RBFOX1: variants seen among roughly 807,000 people sequenced by gnomAD.
RBFOX1 encodes the protein RNA binding fox-1 homolog 1.
Under a neutral mutation model 57.7 loss-of-function variants are expected in RBFOX1, and 8 were observed. That is an observed-to-expected ratio of 0.14 (90% CI 0.08 to 0.25). The LOEUF (loss-of-function observed/expected upper bound fraction) is 0.25. RBFOX1 is among the 10% of genes least tolerant of loss of function. RBFOX1 has a pLI of 1.00. For missense variants in RBFOX1, 611 were observed against 548.5 expected (o/e 1.11, Z -1.14); for synonymous variants, 326 against 222.4 (o/e 1.47, Z -4.15).
chr16:6,232,426 C>A (rs1374491625), intron 1 of RBFOX1, among the ~76,000 whole-genome samples: 5 of 152,162 alleles, frequency 3.3e-5, no homozygotes, highest in Non-Finnish European at 5.9e-5. Context: ...TAGAATGTTT[C>A]AGCATTTTTT....
rs2094440523 is a variant in RBFOX1, at chr16:6,444,144, C to A, written c.-64+127087C>A. 3.9e-5 allele frequency among the ~76,000 whole-genome samples: 6 copies of A among 152,072 alleles called. 1 individual carries two copies. The highest frequency in any genetic ancestry group is 1.2e-4 in the African/African-American group (5 of 41,398). On this transcript the variant is annotated intron_variant, in intron 2 of 15. Transcript: ENST00000550418. ...TCATCGATTGCTGTCCTGTTGTGAA[C>A]CACGGTTGAAGTCAGGTGTGTTTCT...
Position 6,676,169 on chromosome 16 carries a change from CACACACACA to C in RBFOX1, c.-16+21520_-16+21528del, listed in dbSNP as rs2057647563. Among the ~76,000 whole-genome samples, 4 of 151,858 alleles carry C rather than the reference CACACACACA, an allele frequency of 2.6e-5. No homozygotes were observed. The South Asian group carries it at 8.4e-4, about 32-fold the overall frequency. ...ACACACACACACACACACACACACA[CACACACACA>C]CACTTCCCTAGGTCAACTAGGATCA... On this transcript the variant is annotated intron_variant, in intron 3 of 15. Transcript: ENST00000550418.
intron 2 of RBFOX1, among the ~76,000 whole-genome samples, chr16:6,429,377 A>G (rs527780125): frequency 1.3e-5 from 2 of 152,322 alleles, no homozygotes; most frequent in Admixed American, 6.5e-5. Flanking sequence ...ATTATAGAAT[A>G]ACAACAGTTG....
intron 1 of RBFOX1, among the ~76,000 whole-genome samples, chr16:6,273,612 C>G (rs1237313220): frequency 6.6e-6 from 1 of 151,976 alleles, no homozygotes; most frequent in Non-Finnish European, 1.5e-5. Context: ...CCCCAAAGTG[C>G]TGGGCTTATA....
intron 4 of RBFOX1, among the ~76,000 whole-genome samples, chr16:7,079,987 T>C (rs972500139): frequency 2.7e-5 from 4 of 148,972 alleles, no homozygotes; most frequent in African/African-American, 9.9e-5. Flanking sequence ...AGTTAAAATA[T>C]TAAATTCATT....
chr16:5,921,525 G>A (rs17138941), intron 4 of RBFOX1, among the ~76,000 whole-genome samples: 5 of 152,014 alleles, frequency 3.3e-5, no homozygotes, highest in Non-Finnish European at 5.9e-5. Flanking sequence ...GATTTTGAAT[G>A]GAGCCAGTCA....
intron 3 of RBFOX1, among the ~76,000 whole-genome samples, chr16:6,971,086 G>A (rs1568151641): frequency 6.6e-6 from 1 of 152,200 alleles, no homozygotes; most frequent in Non-Finnish European, 1.5e-5. Context: ...TGCGTTTCCT[G>A]ATTGGATGGT....
chr16:5,896,784 T>TTTA (rs2058174487), intron 4 of RBFOX1, among the ~76,000 whole-genome samples: 1 of 152,028 alleles, frequency 6.6e-6, no homozygotes, highest in South Asian at 2.1e-4. Context: ...CAGCCAACAC[T>TTTA]TTAGTATGTG....
chr16:6,795,532 C>T (rs1294960565), intron 3 of RBFOX1, among the ~76,000 whole-genome samples: 1 of 152,026 alleles, frequency 6.6e-6, no homozygotes, highest in Non-Finnish European at 1.5e-5. Context: ...CTTTGGGAGG[C>T]CGAGGTGGGT....
chr16:5,806,547 G>A (rs990250707), intron 3 of RBFOX1, among the ~76,000 whole-genome samples: 4 of 152,298 alleles, frequency 2.6e-5, no homozygotes, highest in Middle Eastern at 3.4e-3. Context: ...CTTTCAACAG[G>A]AATTTTGGAG....
At chr16:5,818,171 A>G (rs955869539) in intron 3 of RBFOX1, among the ~76,000 whole-genome samples, 6 of 152,194 alleles carry the variant, frequency 3.9e-5, no homozygotes, top group South Asian at 4.1e-4. Context: ...ATCATTGAGC[A>G]GTTGCTGAGC....
chr16:6,508,318 C>G (rs77203470), intron 2 of RBFOX1, among the ~76,000 whole-genome samples: 1 of 152,020 alleles, frequency 6.6e-6, no homozygotes, highest in Non-Finnish European at 1.5e-5. Flanking sequence ...CCCTATGACA[C>G]AAGTTACCTA....
At chr16:7,156,111 A>T (rs575821819) in intron 4 of RBFOX1, among the ~76,000 whole-genome samples, 1 of 151,998 alleles carries the variant, frequency 6.6e-6, no homozygotes, top group Non-Finnish European at 1.5e-5. Flanking sequence ...GGCTTAAGCA[A>T]TCTGCCCACT....
intron 3 of RBFOX1, among the ~76,000 whole-genome samples, chr16:6,960,221 C>T (rs527610311): frequency 6.6e-6 from 1 of 152,148 alleles, no homozygotes; most frequent in Non-Finnish European, 1.5e-5. Flanking sequence ...ATCCCAGCAC[C>T]TGGACCCATT....
intron 4 of RBFOX1, among the ~76,000 whole-genome samples, chr16:5,949,546 GA>G (rs58465824): frequency 0.042 from 1,968 of 46,898 alleles, 62 homozygotes; most frequent in African/African-American, 0.18. Context: ...AAAAAAAAAA[GA>G]AAAGAATACA....
At chr16:6,091,036 G>C (rs2096164735) in intron 1 of RBFOX1, among the ~76,000 whole-genome samples, 3 of 152,182 alleles carry the variant, frequency 2.0e-5, no homozygotes, top group Admixed American at 2.0e-4. Flanking sequence ...TTTGAACATT[G>C]ATCAATTCTT....
At chr16:5,710,878 G>A (rs1028935557) in intron 3 of RBFOX1, among the ~76,000 whole-genome samples, 8 of 152,276 alleles carry the variant, frequency 5.3e-5, no homozygotes, top group Middle Eastern at 3.4e-3. Flanking sequence ...AAGGGATGAC[G>A]GGTCCTCTTT....
intron 2 of RBFOX1, among the ~76,000 whole-genome samples, chr16:5,525,940 A>G (rs1163423299): frequency 1.3e-5 from 2 of 152,182 alleles, no homozygotes; most frequent in South Asian, 2.1e-4. Flanking sequence ...GGCAAGCTTC[A>G]CATCATGTGA....
intron 1 of RBFOX1, among the ~76,000 whole-genome samples, chr16:6,277,448 G>A (rs1252844085): frequency 1.0e-5 from 1 of 96,020 alleles, no homozygotes; most frequent in African/African-American, 4.7e-5. Context: ...CAGAACAAGA[G>A]TCTGTCTCCC....
Sources: allele counts gnomAD v4.1 joint callset (sites outside exome capture counted in the v4.1 genomes callset), GRCh38; gene constraint gnomAD v4.1.1; transcripts MANE v1.5; gene names NCBI Gene and HGNC (gene_info 2026-07-23, HGNC 2026-07-21).